The following BAIAP2 variants were observed in gnomAD, a reference collection of about 807,000 sequenced individuals.
BAIAP2 encodes the protein BAR/IMD domain-containing adapter protein 2.
BAIAP2 carries 18 observed loss-of-function variants against 63.0 expected under a neutral mutation model. The ratio of observed to expected loss-of-function variants is 0.29; its 90% CI spans 0.20 to 0.42. The LOEUF is 0.42. BAIAP2 is among the 10% of genes least tolerant of loss of function. The pLI, the probability that BAIAP2 is intolerant of heterozygous loss-of-function variation, is 1.00. For missense variants in BAIAP2, 610 were observed against 734.3 expected (o/e 0.83, Z 1.96); for synonymous variants, 386 against 307.6 (o/e 1.25, Z -2.67).
chr17:81,094,498 T>C (rs1395918176), intron 6 of BAIAP2, among the ~76,000 whole-genome samples: 1 of 152,120 alleles, frequency 6.6e-6, no homozygotes, highest in Non-Finnish European at 1.5e-5. Flanking sequence ...CTGTAATGCC[T>C]TCCTTGGGGA....
rs2060535247 is a variant in BAIAP2 at position 81,116,360 on chromosome 17, G to A, written c.*521G>A. On this transcript the variant is annotated 3_prime_UTR_variant, in exon 14 of 14. Coordinates refer to ENST00000428708, the MANE Select transcript of BAIAP2 (RefSeq NM_001144888.2). ...GTCCGGCAGCTACACCTGGAGTGTG[G>A]GGCCTGGTCCCTCCCCATGCCCCTC... is the stretch of plus-strand genomic sequence containing the variant. 4 of 1,602,820 alleles carry A rather than the reference G, an allele frequency of 2.5e-6. No homozygotes were observed. The highest frequency in any genetic ancestry group is 2.7e-5 in the African/African-American group (2 of 74,672).
chr17:81,090,335 G>GT (rs1450385612), intron 6 of BAIAP2, among the ~76,000 whole-genome samples: 2 of 152,048 alleles, frequency 1.3e-5, no homozygotes, highest in African/African-American at 4.8e-5. Context: ...CGGTGCCTGC[G>GT]TGGGGGCTCT....
intron 2 of BAIAP2, among the ~76,000 whole-genome samples, chr17:81,054,728 A>G (rs1296326953): frequency 1.3e-5 from 2 of 152,134 alleles, no homozygotes; most frequent in East Asian, 3.9e-4. Context: ...CTGCAGGGAC[A>G]TTCCATTCTT....
rs755797358 is a variant in BAIAP2 at position 81,085,760 on chromosome 17, T to C, written c.351+35T>C. The C allele has an allele frequency of 1.7e-5, 27 of 1,560,444 alleles. No homozygotes were observed. In the East Asian group the frequency reaches 6.1e-4, roughly 35 times the overall value. On this transcript the variant is annotated intron_variant, in intron 5 of 13. Coordinates refer to ENST00000428708, the MANE Select transcript of BAIAP2 (RefSeq NM_001144888.2). Reference sequence around the variant, plus strand: ...CCCTGGCCGTGCCTGCTGGGCCCTGTGCCTGGGCTCCGGCTCTCCCAAATG... The same window carrying C: ...CCCTGGCCGTGCCTGCTGGGCCCTGCGCCTGGGCTCCGGCTCTCCCAAATG...
chr17:81,103,336 G>T (rs1045500221), intron 7 of BAIAP2, among the ~76,000 whole-genome samples, 166 bp from the exon 8 acceptor site: 19 of 152,232 alleles, frequency 1.2e-4, no homozygotes, highest in African/African-American at 4.3e-4. Flanking sequence ...CGCTTCTGTG[G>T]GTTGGGGTCA....
At chr17:81,043,652 C>G (rs1053233834) in intron 1 of BAIAP2, among the ~76,000 whole-genome samples, 3 of 152,246 alleles carry the variant, frequency 2.0e-5, no homozygotes, top group Non-Finnish European at 2.9e-5. Context: ...ACACCGGACA[C>G]TGCGCTGGAC....
chr17:81,103,420 C>T (rs1249431066), intron 7 of BAIAP2, 82 bp from the exon 8 acceptor site: 1 of 1,308,322 alleles, frequency 7.6e-7, no homozygotes, highest in Non-Finnish European at 1.1e-6. Flanking sequence ...AGAGAGTGCT[C>T]AGGGAGGGCC....
intron 13 of BAIAP2, chr17:81,108,877 GA>G: frequency 6.7e-7 from 1 of 1,490,510 alleles, no homozygotes; most frequent in Non-Finnish European, 9.0e-7. Context: ...GGGAGCTGCT[GA>G]AAGGGGCATT....
rs544055720 is a variant in BAIAP2 at position 81,062,319 on chromosome 17, T to C, written c.217+4352T>C. On this transcript the variant is annotated intron_variant, in intron 3 of 13. Coordinates refer to ENST00000428708, the MANE Select transcript of BAIAP2 (RefSeq NM_001144888.2). The stretch of plus-strand genomic sequence containing the variant: ...GTTCAATGGACTGATTTTTTTTTTT[T>C]TTGGTATTACAGTTTTTTGGTATTA... Among the ~76,000 whole-genome samples the C allele has an allele frequency of 2.0e-3, 300 of 152,286 alleles. 3 individuals carry two copies. Among genetic ancestry groups the C allele is most frequent in the East Asian group, 0.013 (68 of 5,186 alleles).
At chr17:81,040,679 T>C (rs770201475) in intron 1 of BAIAP2, among the ~76,000 whole-genome samples, 1 of 152,216 alleles carries the variant, frequency 6.6e-6, no homozygotes, top group African/African-American at 2.4e-5. Context: ...TTGCTGAGGG[T>C]TTGCTCCCCG....
Position 81,097,376 on chromosome 17 carries a change from T to G in BAIAP2, c.490-2552T>G, listed in dbSNP as rs375021227. 3.4e-3 allele frequency among the ~76,000 whole-genome samples: 524 copies of G among 152,318 alleles called. 9 individuals carry two copies. In the South Asian group the frequency reaches 0.039, roughly 11 times the overall value. ...CAGAGCCAGTGCCCGGTGGTAGTGC[T>G]GGGACCGACCCACACCCTGCCAGGC... is the stretch of plus-strand genomic sequence containing the variant. On this transcript the variant is annotated intron_variant, in intron 6 of 13. Coordinates refer to ENST00000428708, the MANE Select transcript of BAIAP2 (RefSeq NM_001144888.2).
rs2058776501 is a variant in BAIAP2, at chr17:81,103,684, G to A, written c.825G>A (p.Lys275=). Residue 275 remains lysine (K), a synonymous_variant, in exon 8 of 14, where the codon AAG becomes AAA. Transcript: ENST00000428708. Reference sequence around the variant, plus strand: ...TTTCCGACCCCATTCCGGGGGCCAAGCCCCTGCCGGTGCCCCCCGAGCTGG... The same window carrying A: ...TTTCCGACCCCATTCCGGGGGCCAAACCCCTGCCGGTGCCCCCCGAGCTGG... The part of the protein sequence containing the change: ...LVISDPIPGA[K]PLPVPPELAP... The A allele has an allele frequency of 5.0e-6, 8 of 1,594,272 alleles. No individual in the cohort carries two copies. The highest frequency in any genetic ancestry group is 5.1e-6 in the Non-Finnish European group (6 of 1,170,950).
chr17:81,090,862 C>T (rs2056609540), intron 6 of BAIAP2, among the ~76,000 whole-genome samples: 1 of 152,226 alleles, frequency 6.6e-6, no homozygotes, highest in Admixed American at 6.5e-5. Context: ...CTGCTGGTTC[C>T]CATTGCCTTT....
chr17:81,106,819 A>G lies in BAIAP2; in HGVS notation c.1412A>G (p.Tyr471Cys). 6.2e-7 allele frequency: 1 copy of G among 1,612,112 alleles called. No homozygotes were observed. Among genetic ancestry groups the G allele is most frequent in the Non-Finnish European group, 8.5e-7 (1 of 1,179,600 alleles). The change falls in exon 12 of 14, where the codon TAC (tyrosine) becomes TGC (cysteine). Residue 471 changes from tyrosine (Y) to cysteine (C), a missense_variant. Physicochemically the swap from Tyr to Cys is radical, Grantham distance 194. This residue lies in a region of BAIAP2 where 114 missense variants were observed against 98.2 expected (regional missense o/e 1.16). Coordinates refer to ENST00000428708, the MANE Select transcript of BAIAP2 (RefSeq NM_001144888.2). ...GACCTGGCCATCCCACCCCCCGATT[A>G]CGGCGCCGCCTCCCGGGCCTTCCCC... is the stretch of plus-strand genomic sequence containing the variant. ...KDDLAIPPPD[Y>C]GAASRAFPAQ...
chr17:81,103,335 G>A (rs1181121790), intron 7 of BAIAP2, among the ~76,000 whole-genome samples, 167 bp from the exon 8 acceptor site: 1 of 152,346 alleles, frequency 6.6e-6, no homozygotes, highest in East Asian at 1.9e-4. Flanking sequence ...CCGCTTCTGT[G>A]GGTTGGGGTC....
At chr17:81,060,895 G>A (rs952297243) in intron 3 of BAIAP2, among the ~76,000 whole-genome samples, 1 of 152,202 alleles carries the variant, frequency 6.6e-6, no homozygotes, top group Non-Finnish European at 1.5e-5. Flanking sequence ...GGCTGAGGCA[G>A]GTGGATTGCC....
chr17:81,040,384 T>G (rs1214565060), intron 1 of BAIAP2, among the ~76,000 whole-genome samples: 2 of 152,236 alleles, frequency 1.3e-5, no homozygotes, highest in Admixed American at 6.5e-5. Context: ...GGCACCGGCC[T>G]CCAACGCACT....
intron 2 of BAIAP2, among the ~76,000 whole-genome samples, chr17:81,055,628 C>T (rs1485785641): frequency 1.4e-5 from 2 of 146,026 alleles, no homozygotes; most frequent in East Asian, 2.1e-4. Context: ...TGCAGTGGCG[C>T]TATCTTGGCT....
At chr17:81,041,635 C>T (rs1437206639) in intron 1 of BAIAP2, among the ~76,000 whole-genome samples, 1 of 152,198 alleles carries the variant, frequency 6.6e-6, no homozygotes, top group Middle Eastern at 3.4e-3. Flanking sequence ...AGTGCAGTGG[C>T]GTGATCTCGG....
Sources: allele counts gnomAD v4.1 joint callset (sites outside exome capture counted in the v4.1 genomes callset), GRCh38; gene constraint gnomAD v4.1.1; regional missense constraint gnomAD v4.1.1; transcripts MANE v1.5; gene names NCBI Gene and HGNC (gene_info 2026-07-23, HGNC 2026-07-21).